Variants in COBL observed in about 807,000 individuals in gnomAD.
The protein encoded by COBL is cordon-bleu WH2 repeat protein, also known as protein cordon-bleu.
Under a neutral mutation model 98.8 loss-of-function variants are expected in COBL, and 51 were observed. The ratio of observed to expected loss-of-function variants is 0.52; its 90% confidence interval spans 0.41 to 0.65. COBL has a LOEUF of 0.65. Ranked by LOEUF, COBL falls within the 30% of genes least tolerant of loss-of-function variation. The pLI, the probability that COBL is intolerant of heterozygous loss-of-function variation, is 0.00. For synonymous variants in COBL, 634 were observed against 651.7 expected (o/e 0.97, Z 0.41); for missense variants, 1,617 against 1,617.5 (o/e 1.00, Z 0.01).
chr7:51,063,391 T>G (rs1427335717), intron 7 of COBL, among the ~76,000 whole-genome samples: 4 of 152,240 alleles, frequency 2.6e-5, no homozygotes, highest in Non-Finnish European at 4.4e-5. Context: ...TGCCTCGGCC[T>G]CCCAAAGTGC....
intron 1 of COBL, among the ~76,000 whole-genome samples, chr7:51,242,645 G>A (rs1735342577): frequency 6.6e-6 from 1 of 152,076 alleles, no homozygotes; most frequent in South Asian, 2.1e-4. Context: ...TGATGCTGTT[G>A]AATGTTATGA....
At chr7:51,268,358 G>C (rs1436035682) in intron 1 of COBL, among the ~76,000 whole-genome samples, 1 of 152,134 alleles carries the variant, frequency 6.6e-6, no homozygotes, top group Non-Finnish European at 1.5e-5. Context: ...CTCTGCCAAA[G>C]CTCTGCCCTC....
At chr7:51,166,373 A>T (rs977476457) in intron 5 of COBL, among the ~76,000 whole-genome samples, 1 of 152,076 alleles carries the variant, frequency 6.6e-6, no homozygotes, top group African/African-American at 2.4e-5. Flanking sequence ...AGAAATTCCT[A>T]GACACATACA....
intron 2 of COBL, among the ~76,000 whole-genome samples, chr7:51,201,836 A>T (rs1791158846): frequency 6.6e-6 from 1 of 152,234 alleles, no homozygotes; most frequent in South Asian, 2.1e-4. Context: ...ACAAACATGG[A>T]ATTCACCTTC....
At chr7:51,086,243 G>A (rs1285707702) in intron 6 of COBL, among the ~76,000 whole-genome samples, 1 of 151,496 alleles carries the variant, frequency 6.6e-6, no homozygotes, top group East Asian at 1.9e-4. Context: ...TGTAGTCTCA[G>A]CTACTCAGGA....
At chr7:51,193,701 T>A in intron 2 of COBL, 112 bp from the exon 3 acceptor site, 1 of 897,790 alleles carries the variant, frequency 1.1e-6, no homozygotes, top group Non-Finnish European at 1.7e-6. Context: ...AAATTAGATA[T>A]GCTTATGAAA....
chr7:51,275,465 C>T (rs1364007336), intron 1 of COBL, among the ~76,000 whole-genome samples: 1 of 152,190 alleles, frequency 6.6e-6, no homozygotes, highest in Non-Finnish European at 1.5e-5. Flanking sequence ...CTGACAGGGC[C>T]TGGCTGTTCT....
chr7:51,081,501 A>G (rs1793665728), intron 7 of COBL, among the ~76,000 whole-genome samples: 1 of 152,222 alleles, frequency 6.6e-6, no homozygotes, highest in South Asian at 2.1e-4. Flanking sequence ...GCAGAGATGC[A>G]GGAGGAAGCC....
At chr7:51,094,212 C>A (rs1795076963) in intron 6 of COBL, among the ~76,000 whole-genome samples, 1 of 151,632 alleles carries the variant, frequency 6.6e-6, no homozygotes, top group Non-Finnish European at 1.5e-5. Flanking sequence ...AGGTGGCAAC[C>A]AGAAGCTGAG....
intron 5 of COBL, among the ~76,000 whole-genome samples, chr7:51,163,595 C>T (rs1584020178): frequency 6.6e-6 from 1 of 152,148 alleles, no homozygotes. Flanking sequence ...AAAAGTCACC[C>T]TTGATTTTTA....
chr7:51,072,653 AAATGG>A (rs1792678481), intron 7 of COBL: 1 of 152,242 alleles, frequency 6.6e-6, no homozygotes, highest in South Asian at 2.1e-4. Context: ...TTTAGTGAAT[AAATGG>A]GTGAAGAAAT....
intron 3 of COBL, among the ~76,000 whole-genome samples, chr7:51,192,778 T>C (rs563745274): frequency 2.6e-5 from 4 of 152,348 alleles, no homozygotes; most frequent in Admixed American, 6.5e-5. Context: ...TTCTTTTCTC[T>C]TCCTCTGGGA....
chr7:51,229,010 G>A (rs895903092), intron 1 of COBL, among the ~76,000 whole-genome samples: 11 of 152,148 alleles, frequency 7.2e-5, no homozygotes, highest in Non-Finnish European at 4.4e-5. Context: ...CAAACCACCA[G>A]GCAATGTTTG....
intron 7 of COBL, among the ~76,000 whole-genome samples, chr7:51,048,413 T>A (rs1187910125): frequency 1.3e-5 from 2 of 152,168 alleles, no homozygotes; most frequent in Non-Finnish European, 2.9e-5. Context: ...AATTGTAAAT[T>A]GCCATTTACA....
At chr7:51,161,204 C>T (rs938516929) in intron 5 of COBL, among the ~76,000 whole-genome samples, 2 of 152,134 alleles carry the variant, frequency 1.3e-5, no homozygotes, top group African/African-American at 4.8e-5. Flanking sequence ...GTGTGTGTGA[C>T]AACACTGCCA....
chr7:51,043,313 C>G, intron 8 of COBL, 70 bp downstream of exon 8: 1 of 1,487,438 alleles, frequency 6.7e-7, no homozygotes, highest in Non-Finnish European at 9.2e-7. Context: ...GATCCCATGA[C>G]AAAAGACCCT....
intron 2 of COBL, among the ~76,000 whole-genome samples, chr7:51,216,990 G>T (rs1460047995): frequency 6.6e-6 from 1 of 152,176 alleles, no homozygotes; most frequent in Non-Finnish European, 1.5e-5. Flanking sequence ...TACTGCATCC[G>T]CAATAGTTAT....
At chr7:51,060,720 C>T (rs368691875) in intron 7 of COBL, among the ~76,000 whole-genome samples, 22 of 152,196 alleles carry the variant, frequency 1.4e-4, no homozygotes, top group African/African-American at 5.3e-4. Flanking sequence ...TTCTATTGGC[C>T]GATGGGTCTT....
intron 6 of COBL, among the ~76,000 whole-genome samples, chr7:51,089,395 A>G (rs1330995816): frequency 1.3e-5 from 2 of 152,098 alleles, no homozygotes; most frequent in Non-Finnish European, 2.9e-5. Flanking sequence ...GGCACCTATA[A>G]GCCCAGCTAC....
Sources: gnomAD v4.1 joint callset for allele counts (sites outside exome capture counted in the v4.1 genomes callset) on GRCh38, gnomAD v4.1.1 for gene constraint, MANE v1.5 for transcripts, NCBI Gene and HGNC (gene_info 2026-07-23, HGNC 2026-07-21) for gene names.